Variants in HDX observed in about 807,000 individuals in gnomAD.
The protein encoded by HDX is highly divergent homeobox, also known as chromosome X open reading frame 43.
In HDX, 19 loss-of-function variants were observed where a neutral mutation model predicts 45.2. The observed-to-expected ratio is 0.42, with a 90% CI of 0.29 to 0.62. The LOEUF is 0.62. HDX is among the 20% of genes least tolerant of loss of function. The pLI is 0.20. For synonymous variants in HDX, 188 were observed against 172.8 expected (o/e 1.09, Z -0.69); for missense variants, 532 against 493.9 (o/e 1.08, Z -0.73).
intron 5 of HDX, chrX:84,403,974 C>T (rs764892267): frequency 2.7e-5 from 3 of 111,170 alleles, no homozygotes; most frequent in African/African-American, 9.8e-5. Flanking sequence ...GTGAGTAGTG[C>T]ATGGCTAGGA....
At chrX:84,410,021 C>G (rs1413893871) in intron 5 of HDX, among the ~76,000 whole-genome samples, 5 of 101,224 alleles carry the variant, frequency 4.9e-5, no homozygotes, top group African/African-American at 1.8e-4. Context: ...CCATTTCACT[C>G]CAGCCTGGGT....
chrX:84,320,857 T>C lies in HDX; in HGVS notation c.*1032A>G, dbSNP rs1013356146. 9.0e-6 allele frequency: 1 copy of C among 110,603 alleles called. No individual in the cohort carries two copies. The highest frequency in any genetic ancestry group is 1.9e-5 in the Non-Finnish European group (1 of 52,345). The allele number at this position is 110,603 out of a possible 1,213,427, so 9.1% of individuals were successfully genotyped here. ...GTGTGTACTCATAGAATAGTATTCA[T>C]GGAATTCAGAAGACTGTGATTTACA... On this transcript the variant is annotated 3_prime_UTR_variant, in exon 11 of 11. Transcript: ENST00000373177.
chrX:84,487,774 T>C (rs1266596473), intron 2 of HDX, among the ~76,000 whole-genome samples: 1 of 111,888 alleles, frequency 8.9e-6, no homozygotes, highest in African/African-American at 3.3e-5. Context: ...AAATATAGGG[T>C]TTCCCTTAGA....
At chrX:84,452,479 A>G (rs1275986741) in intron 4 of HDX, among the ~76,000 whole-genome samples, 7 of 110,175 alleles carry the variant, frequency 6.4e-5, no homozygotes, top group African/African-American at 2.0e-4. Context: ...GAAAACTACA[A>G]AACACTAATG....
intron 2 of HDX, among the ~76,000 whole-genome samples, chrX:84,480,995 T>C (rs531969155): frequency 9.0e-6 from 1 of 111,361 alleles, no homozygotes; most frequent in African/African-American, 3.3e-5. Flanking sequence ...GGGAATGTTT[T>C]GAAGTACGAA....
Position 84,343,991 on chromosome X carries a change from TTTAC to T in HDX, c.1660+255_1660+258del, listed in dbSNP as rs746058929. On this transcript the variant is annotated intron_variant, in intron 7 of 10. Transcript: ENST00000373177. Reference sequence around the variant, plus strand: ...TAGAATTCCAATAAAATAAAAATCATTTACTTAATTATAATGCATGAATTGTAAT... The same window carrying T: ...TAGAATTCCAATAAAATAAAAATCATTTAATTATAATGCATGAATTGTAAT... Among the ~76,000 whole-genome samples, 13 of 111,575 alleles carry T rather than the reference TTTAC, an allele frequency of 1.2e-4. No homozygotes were observed. The East Asian group carries it at 3.4e-3, about 29-fold the overall frequency.
At chrX:84,481,524 C>T (rs965878280) in intron 2 of HDX, among the ~76,000 whole-genome samples, 24 of 110,621 alleles carry the variant, frequency 2.2e-4, no homozygotes, top group Admixed American at 1.4e-3. Flanking sequence ...TTCTATTTAC[C>T]GGACATATTT....
intron 9 of HDX, among the ~76,000 whole-genome samples, chrX:84,327,898 A>G (rs1204221886): frequency 9.0e-6 from 1 of 111,009 alleles, no homozygotes; most frequent in Admixed American, 9.6e-5. Flanking sequence ...ATCATAGCTC[A>G]CTGCCACCTT....
chrX:84,454,775 T>G (rs960404722), intron 4 of HDX, among the ~76,000 whole-genome samples: 1 of 111,254 alleles, frequency 9.0e-6, no homozygotes, highest in Non-Finnish European at 1.9e-5. Context: ...GATCCAGTAC[T>G]GTGCTGGTTT....
At chrX:84,422,439 T>G (rs1392256061) in intron 5 of HDX, among the ~76,000 whole-genome samples, 1 of 110,121 alleles carries the variant, frequency 9.1e-6, no homozygotes, top group Non-Finnish European at 1.9e-5. Flanking sequence ...AACCTAAAAA[T>G]GCATCCAAGA....
intron 1 of HDX, among the ~76,000 whole-genome samples, chrX:84,498,703 G>C (rs1180766436): frequency 9.0e-6 from 1 of 111,034 alleles, no homozygotes; most frequent in Non-Finnish European, 1.9e-5. Flanking sequence ...TTTCAATCAA[G>C]ACTGAGAGAG....
chrX:84,440,619 A>G, intron 4 of HDX, 34 bp from the exon 5 acceptor site: 1 of 936,604 alleles, frequency 1.1e-6, no homozygotes, highest in Non-Finnish European at 1.5e-6. Flanking sequence ...TCAGTAAGCT[A>G]TTTATTGACA....
chrX:84,396,318 C>T (rs2038561971), intron 5 of HDX, among the ~76,000 whole-genome samples: 1 of 112,286 alleles, frequency 8.9e-6, no homozygotes, highest in African/African-American at 3.2e-5. Context: ...ATTTCTTTTT[C>T]TGTAAATAGC....
intron 5 of HDX, among the ~76,000 whole-genome samples, chrX:84,436,644 T>C: frequency 8.9e-6 from 1 of 111,935 alleles, no homozygotes; most frequent in Non-Finnish European, 1.9e-5. Context: ...CAAATGTTTC[T>C]CTATTATTGA....
chrX:84,477,083 G>T (rs1409497979), intron 2 of HDX, among the ~76,000 whole-genome samples: 1 of 111,680 alleles, frequency 9.0e-6, no homozygotes, highest in Admixed American at 9.5e-5. Flanking sequence ...ATGGCTGCCA[G>T]ATTTCAGAGC....
At chrX:84,348,488 T>G (rs1044448502) in intron 6 of HDX, among the ~76,000 whole-genome samples, 1 of 112,043 alleles carries the variant, frequency 8.9e-6, no homozygotes, top group African/African-American at 3.2e-5. Context: ...TTGCTCTGTC[T>G]CTTCAAATTC....
At chrX:84,441,981 A>G (rs1178126185) in intron 4 of HDX, among the ~76,000 whole-genome samples, 1 of 111,458 alleles carries the variant, frequency 9.0e-6, no homozygotes, top group Non-Finnish European at 1.9e-5. Context: ...TTACCTCAGC[A>G]TTGCTACACA....
At chrX:84,367,981 C>T (rs1023406047) in intron 5 of HDX, among the ~76,000 whole-genome samples, 2 of 111,372 alleles carry the variant, frequency 1.8e-5, no homozygotes, top group Non-Finnish European at 3.8e-5. Flanking sequence ...CACATGTATC[C>T]CAGAACTTAA....
chrX:84,384,240 T>A (rs771197081), intron 5 of HDX, among the ~76,000 whole-genome samples: 1 of 111,724 alleles, frequency 9.0e-6, no homozygotes, highest in South Asian at 3.8e-4. Flanking sequence ...TAACAGCCGT[T>A]CTGAGCTATG....
Sources: gnomAD v4.1 joint callset for allele counts (sites outside exome capture counted in the v4.1 genomes callset) on GRCh38, gnomAD v4.1.1 for gene constraint, MANE v1.5 for transcripts, NCBI Gene and HGNC (gene_info 2026-07-23, HGNC 2026-07-21) for gene names.